MICU2: variants seen among roughly 807,000 people sequenced by gnomAD.
MICU2 encodes mitochondrial calcium uptake 2, also known as calcium uptake protein 2, mitochondrial.
Under a neutral mutation model 60.4 loss-of-function variants are expected in MICU2, and 64 were observed. That is an observed-to-expected ratio of 1.06 (90% confidence interval 0.87 to 1.31). The LOEUF (loss-of-function observed/expected upper bound fraction) is 1.31. Among genes scored for constraint, MICU2 ranks in the 50% most tolerant of loss-of-function variants. MICU2 has a pLI of 0.00. For missense variants in MICU2, 569 were observed against 531.0 expected, an observed-to-expected ratio of 1.07 and a Z score of -0.70; for synonymous variants, 201 against 175.0, an observed-to-expected ratio of 1.15 and a Z score of -1.17.
intron 2 of MICU2, among the ~76,000 whole-genome samples, chr13:21,540,792 G>A (rs1333157877): frequency 1.3e-5 from 2 of 152,030 alleles, no homozygotes; most frequent in Non-Finnish European, 2.9e-5. Flanking sequence ...TGTTGTTATA[G>A]TATCAGATAA....
intron 4 of MICU2, among the ~76,000 whole-genome samples, chr13:21,538,399 C>T (rs371969382): frequency 1.3e-5 from 2 of 151,640 alleles, no homozygotes; most frequent in African/African-American, 4.8e-5. Flanking sequence ...GTGAGACTCC[C>T]GTCTATACTA....
chr13:21,557,652 G>A (rs79153120), intron 2 of MICU2, among the ~76,000 whole-genome samples: 39 of 152,180 alleles, frequency 2.6e-4, no homozygotes, highest in Non-Finnish European at 4.3e-4. Flanking sequence ...GGGTCAGTGG[G>A]TTGGCCCTGT....
chr13:21,502,759 G>GTCA, intron 9 of MICU2, 167 bp downstream of exon 9: 1 of 346,288 alleles, frequency 2.9e-6, no homozygotes, highest in Non-Finnish European at 4.5e-6. Flanking sequence ...TTCTGTCTTA[G>GTCA]GCAGTTTTCC....
In MICU2 at chr13:21,604,144, G is replaced by A. The variant is rs926696881; in HGVS notation, c.5C>T (p.Ala2Val). Residue 2 changes from alanine to valine, a missense_variant, in exon 1 of 12, where the codon GCG becomes GTG. Ala to Val is a moderately conservative substitution (Grantham distance 64). Transcript: ENST00000382374. Reference sequence around the variant, plus strand: ...CCGCGCGCAGCTACCCGCAGCCGCCGCCATCTTTGCGGAAGCGCAGCTAGG... The same window carrying A: ...CCGCGCGCAGCTACCCGCAGCCGCCACCATCTTTGCGGAAGCGCAGCTAGG... The part of the protein sequence containing the change: M[A>V]AAAGSCARVA... The A allele has an allele frequency of 4.5e-6, 7 of 1,554,300 alleles. No individual in the cohort carries two copies. Among genetic ancestry groups the A allele is most frequent in the Middle Eastern group, 2.3e-4 (1 of 4,350 alleles).
chr13:21,526,466 G>A (rs902502598), intron 4 of MICU2, among the ~76,000 whole-genome samples: 5 of 152,020 alleles, frequency 3.3e-5, no homozygotes, highest in African/African-American at 1.2e-4. Context: ...CCAGATGTGT[G>A]CTAAGATTCA....
chr13:21,497,775 A>T (rs956819894), intron 9 of MICU2, among the ~76,000 whole-genome samples: 2 of 152,172 alleles, frequency 1.3e-5, no homozygotes, highest in African/African-American at 4.8e-5. Flanking sequence ...CTTGTTTTTG[A>T]GATAGTGTTT....
intron 1 of MICU2, among the ~76,000 whole-genome samples, chr13:21,569,514 C>CTAT (rs1474604249): frequency 6.6e-6 from 1 of 152,096 alleles, no homozygotes; most frequent in African/African-American, 2.4e-5. Context: ...CCATCTCCTA[C>CTAT]TATTAGTCTT....
intron 9 of MICU2, among the ~76,000 whole-genome samples, chr13:21,498,803 G>A (rs1338888756): frequency 7.3e-6 from 1 of 136,410 alleles, no homozygotes; most frequent in African/African-American, 2.6e-5. Flanking sequence ...TTTACAAGAT[G>A]ATAGAGAGGG....
chr13:21,531,498 TGTAA>T, intron 4 of MICU2, among the ~76,000 whole-genome samples: 1 of 152,188 alleles, frequency 6.6e-6, no homozygotes, highest in Non-Finnish European at 1.5e-5. Flanking sequence ...TCAGACTAGC[TGTAA>T]GTAATGGGAT....
chr13:21,584,569 T>C (rs946382878), intron 1 of MICU2, among the ~76,000 whole-genome samples: 1 of 152,154 alleles, frequency 6.6e-6, no homozygotes, highest in Non-Finnish European at 1.5e-5. Context: ...GAAATATCTA[T>C]GAACTATCTA....
chr13:21,593,571 C>CAAAAAAAAAAAAAAAAAAAAAAAAAAA lies in MICU2; in HGVS notation c.210+10367_210+10368insTTTTTTTTTTTTTTTTTTTTTTTTTTT, dbSNP rs71093338. Among the ~76,000 whole-genome samples, 5 of 63,028 alleles carry CAAAAAAAAAAAAAAAAAAAAAAAAAAA rather than the reference C, an allele frequency of 7.9e-5. 1 individual carries two copies. The highest frequency in any genetic ancestry group is 2.0e-4 in the African/African-American group (3 of 14,880). 41.3% of individuals were successfully genotyped at this position (63,028 alleles called of 152,430 possible). A position where few individuals can be genotyped will look rare whatever the true frequency, so the allele number is the denominator to read the frequency against. On this transcript the variant is annotated intron_variant, in intron 1 of 11. Coordinates refer to ENST00000382374, the MANE Select transcript of MICU2 (RefSeq NM_152726.3). ...CCCATATTGCAAAGACAATCCTAAGCAAAAAAAAAAAAAAAAAAAAAAACA... is the reference window on the plus strand; with the variant it reads ...CCCATATTGCAAAGACAATCCTAAGCAAAAAAAAAAAAAAAAAAAAAAAAAAAAAAAAAAAAAAAAAAAAAAAAAACA...
chr13:21,576,617 AT>A (rs1050544831), intron 1 of MICU2, among the ~76,000 whole-genome samples: 18 of 152,220 alleles, frequency 1.2e-4, no homozygotes, highest in African/African-American at 4.3e-4. Context: ...TTCATATAGT[AT>A]TTTGCCCTGC....
At chr13:21,561,959 G>A (rs954956723) in intron 2 of MICU2, among the ~76,000 whole-genome samples, 3 of 145,286 alleles carry the variant, frequency 2.1e-5, no homozygotes, top group Admixed American at 1.4e-4. Flanking sequence ...AGAACATGCA[G>A]TGTTTGGTTT....
At chr13:21,595,393 C>T (rs1888670973) in intron 1 of MICU2, among the ~76,000 whole-genome samples, 1 of 152,210 alleles carries the variant, frequency 6.6e-6, no homozygotes, top group African/African-American at 2.4e-5. Context: ...GCCCAAAGGC[C>T]CTCACAGACC....
Position 21,604,114 on chromosome 13 carries a change from G to A in MICU2, c.35C>T (p.Ala12Val). The A allele has an allele frequency of 1.3e-6, 2 of 1,578,636 alleles. No homozygotes were observed. The highest frequency in any genetic ancestry group is 8.6e-7 in the Non-Finnish European group (1 of 1,164,668). ...AAAAGSCARVAAWGGKLRRGL... is the reference protein window; with the variant it reads ...AAAAGSCARVVAWGGKLRRGL... ...CCGTCGCAGTTTTCCGCCCCAGGCC[G>A]CCACCCGCGCGCAGCTACCCGCAGC... The change falls in exon 1 of 12, where the codon GCG (alanine) becomes GTG (valine). Residue 12 changes from alanine (A) to valine (V), a missense_variant. Transcript: ENST00000382374.
At chr13:21,581,605 C>T (rs1009896776) in intron 1 of MICU2, among the ~76,000 whole-genome samples, 1 of 151,922 alleles carries the variant, frequency 6.6e-6, no homozygotes, top group Non-Finnish European at 1.5e-5. Flanking sequence ...TGGTAAAATA[C>T]AATAATTAGT....
At chr13:21,533,098 C>G (rs1393748696) in intron 4 of MICU2, among the ~76,000 whole-genome samples, 1 of 152,168 alleles carries the variant, frequency 6.6e-6, no homozygotes, top group East Asian at 1.9e-4. Flanking sequence ...ATAGCAAAGA[C>G]AGACAAGATG....
intron 2 of MICU2, among the ~76,000 whole-genome samples, chr13:21,551,123 T>C (rs768579032): frequency 6.6e-6 from 1 of 152,216 alleles, no homozygotes; most frequent in African/African-American, 2.4e-5. Context: ...AACTGTTCCC[T>C]TGTGTACACA....
At chr13:21,534,264 G>A (rs573230277) in intron 4 of MICU2, among the ~76,000 whole-genome samples, 31 of 151,308 alleles carry the variant, frequency 2.0e-4, no homozygotes, top group African/African-American at 6.3e-4. Flanking sequence ...GGAGTATAGC[G>A]GTACAATCGT....
Sources: gnomAD v4.1 joint callset for allele counts (sites outside exome capture counted in the v4.1 genomes callset) on GRCh38, gnomAD v4.1.1 for gene constraint, MANE v1.5 for transcripts, NCBI Gene and HGNC (gene_info 2026-07-23, HGNC 2026-07-21) for gene names.